The following PSD3 variants were observed in gnomAD, a reference collection of about 807,000 sequenced individuals.
PSD3 encodes the protein pleckstrin and Sec7 domain containing 3.
PSD3 carries 49 observed loss-of-function variants against 105.5 expected under a neutral mutation model. The observed-to-expected ratio is 0.46, with a 90% CI of 0.37 to 0.59. The LOEUF (loss-of-function observed/expected upper bound fraction) is 0.59. Ranked by LOEUF, PSD3 falls within the 20% of genes least tolerant of loss-of-function variation. The probability of loss-of-function intolerance (pLI) is 0.00; values close to 1 mark genes in which losing one functional copy is unlikely to be tolerated. For missense variants in PSD3, 1,561 were observed against 1,263.8 expected (o/e 1.24, Z -3.57); for synonymous variants, 557 against 457.8 (o/e 1.22, Z -2.77).
intron 15 of PSD3, among the ~76,000 whole-genome samples, chr8:18,539,244 A>C (rs1286713844): frequency 1.3e-5 from 2 of 152,220 alleles, no homozygotes; most frequent in East Asian, 3.8e-4. Context: ...TGAGGACAAA[A>C]TAAAATTGTC....
At chr8:19,064,275 A>C (rs1359701929) in intron 1 of PSD3, among the ~76,000 whole-genome samples, 1 of 152,214 alleles carries the variant, frequency 6.6e-6, no homozygotes, top group African/African-American at 2.4e-5. Context: ...GTGTACCTAA[A>C]TAGAGTAATA....
intron 1 of PSD3, among the ~76,000 whole-genome samples, chr8:18,960,495 C>G (rs748681763): frequency 6.6e-6 from 1 of 152,090 alleles, no homozygotes; most frequent in African/African-American, 2.4e-5. Context: ...CAACAAAAAA[C>G]TGAATAAAAA....
chr8:18,596,630 A>T (rs1306882336), intron 12 of PSD3, among the ~76,000 whole-genome samples: 1 of 152,058 alleles, frequency 6.6e-6, no homozygotes, highest in Non-Finnish European at 1.5e-5. Context: ...AAAATCAGAA[A>T]TGAAACAGGA....
At chr8:18,661,443 A>T (rs1809341413) in intron 9 of PSD3, among the ~76,000 whole-genome samples, 1 of 152,256 alleles carries the variant, frequency 6.6e-6, no homozygotes, top group Admixed American at 6.5e-5. Context: ...CTGGTTAAAA[A>T]TTAATGATAA....
chr8:18,757,221 G>C (rs1423860317), intron 9 of PSD3, among the ~76,000 whole-genome samples: 1 of 151,132 alleles, frequency 6.6e-6, no homozygotes, highest in Non-Finnish European at 1.5e-5. Context: ...GGGAGGCCGA[G>C]GTGGGTGGAT....
rs551491744 is a variant in PSD3, at chr8:19,063,711, G to A, written c.324+20495C>T. On this transcript the variant is annotated intron_variant, in intron 1 of 1. Transcript: ENST00000521475. ...TCCCTAGAAGTGTGGTAGTGCGTCA[G>A]AACTGGAGGACACAGAATCCTGGCC... Among the ~76,000 whole-genome samples, 7 of 152,322 alleles carry A rather than the reference G, an allele frequency of 4.6e-5. No individual in the cohort carries two copies. In the South Asian group the frequency reaches 1.2e-3, roughly 27 times the overall value.
At chr8:18,835,371 T>G (rs1814020945) in intron 4 of PSD3, among the ~76,000 whole-genome samples, 2 of 152,228 alleles carry the variant, frequency 1.3e-5, no homozygotes. Context: ...CCTCATGTAT[T>G]GATTTACTAT....
chr8:18,706,548 A>G (rs183602486), intron 9 of PSD3, among the ~76,000 whole-genome samples: 1,594 of 152,376 alleles, frequency 0.01, 13 homozygotes, highest in Non-Finnish European at 0.015. Context: ...AAAAAGCCAT[A>G]TAGAAGAGCA....
chr8:18,622,954 T>G (rs950375671), intron 11 of PSD3, among the ~76,000 whole-genome samples: 1 of 152,228 alleles, frequency 6.6e-6, no homozygotes, highest in Non-Finnish European at 1.5e-5. Context: ...TATCTAAATG[T>G]GAGTAACCAA....
At chr8:18,899,656 G>T (rs192323735) in intron 2 of PSD3, among the ~76,000 whole-genome samples, 2 of 151,936 alleles carry the variant, frequency 1.3e-5, no homozygotes, top group African/African-American at 4.8e-5. Context: ...GGTGGCTAAG[G>T]GTATTGTCCT....
At chr8:18,589,245 C>G (rs1430212500) in intron 12 of PSD3, among the ~76,000 whole-genome samples, 4 of 152,114 alleles carry the variant, frequency 2.6e-5, no homozygotes, top group Non-Finnish European at 4.4e-5. Context: ...AAAATAAAGA[C>G]AGTATGAGAT....
At chr8:18,955,604 G>A in intron 1 of PSD3, among the ~76,000 whole-genome samples, 1 of 151,864 alleles carries the variant, frequency 6.6e-6, no homozygotes, top group East Asian at 1.9e-4. Context: ...AAATCTCCTA[G>A]AGGAGACAAC....
At chr8:18,580,809 G>C (rs28634202) in intron 12 of PSD3, among the ~76,000 whole-genome samples, 2 of 152,174 alleles carry the variant, frequency 1.3e-5, no homozygotes, top group Middle Eastern at 3.4e-3. Context: ...AAATCACATA[G>C]AGATTCTTGA....
chr8:18,661,658 C>T (rs369444930), intron 9 of PSD3, among the ~76,000 whole-genome samples: 2 of 152,060 alleles, frequency 1.3e-5, no homozygotes, highest in Non-Finnish European at 2.9e-5. Flanking sequence ...TTACACCTTG[C>T]GATGTACCAA....
chr8:18,686,369 G>C (rs1800663497), intron 9 of PSD3, among the ~76,000 whole-genome samples: 1 of 152,178 alleles, frequency 6.6e-6, no homozygotes, highest in African/African-American at 2.4e-5. Context: ...AGTATACCAG[G>C]AACCACGCTG....
chr8:19,065,963 C>A (rs1454532032), intron 1 of PSD3, among the ~76,000 whole-genome samples: 3 of 151,750 alleles, frequency 2.0e-5, no homozygotes, highest in Non-Finnish European at 4.4e-5. Flanking sequence ...TACAAAAAGA[C>A]CACTTTGGAA....
chr8:18,949,244 A>AAAT (rs1345423514), intron 1 of PSD3, among the ~76,000 whole-genome samples: 20 of 14,412 alleles, frequency 1.4e-3, no homozygotes, highest in African/African-American at 2.9e-3. Context: ...AAAAAAAAAA[A>AAAT]ATATATATAT....
At chr8:18,767,347 A>C (rs113227761) in intron 8 of PSD3, among the ~76,000 whole-genome samples, 2,989 of 152,328 alleles carry the variant, frequency 0.02, 100 homozygotes, top group African/African-American at 0.066. Context: ...AGACAGCAAG[A>C]TACATCTGTT....
intron 6 of PSD3, among the ~76,000 whole-genome samples, chr8:18,802,056 G>C (rs1371154065): frequency 1.3e-5 from 2 of 152,056 alleles, no homozygotes; most frequent in African/African-American, 4.8e-5. Context: ...CTGTCATTTT[G>C]TTACATGACT....
Sources: allele counts gnomAD v4.1 joint callset (sites outside exome capture counted in the v4.1 genomes callset), GRCh38; gene constraint gnomAD v4.1.1; transcripts MANE v1.5; gene names NCBI Gene and HGNC (gene_info 2026-07-23, HGNC 2026-07-21).